APLP2: variants seen among roughly 807,000 people sequenced by gnomAD.
APLP2 encodes amyloid beta precursor like protein 2.
APLP2 carries 53 observed loss-of-function variants against 89.9 expected under a neutral mutation model. That is an observed-to-expected ratio of 0.59 (90% CI 0.47 to 0.74). The LOEUF is 0.74. Among genes scored for constraint, APLP2 ranks in the 30% least tolerant of loss-of-function variants. The pLI is 0.00. For missense variants in APLP2, 973 were observed against 975.9 expected, an observed-to-expected ratio of 1.00 and a Z score of 0.04; for synonymous variants, 372 against 348.6, an observed-to-expected ratio of 1.07 and a Z score of -0.75.
chr11:130,091,973 T>C (rs1591781331), intron 1 of APLP2, among the ~76,000 whole-genome samples: 2 of 125,572 alleles, frequency 1.6e-5, no homozygotes, highest in African/African-American at 7.0e-5. Context: ...GACGGGGCGG[T>C]TGCCAGGCAG....
intron 1 of APLP2, among the ~76,000 whole-genome samples, chr11:130,096,963 G>A (rs1946287838): frequency 6.6e-6 from 1 of 152,098 alleles, no homozygotes; most frequent in South Asian, 2.1e-4. Flanking sequence ...TTTTTAAATT[G>A]TTGATAATTA....
chr11:130,136,363 T>C (rs1188651099), intron 13 of APLP2, among the ~76,000 whole-genome samples: 3 of 152,232 alleles, frequency 2.0e-5, no homozygotes, highest in Admixed American at 6.5e-5. Context: ...GTCCTTGTTA[T>C]ATGCCAGCTT....
intron 1 of APLP2, among the ~76,000 whole-genome samples, chr11:130,104,969 A>C (rs546803113): frequency 9.2e-5 from 14 of 152,336 alleles, no homozygotes; most frequent in Middle Eastern, 3.4e-3. Flanking sequence ...GAAGCAAAAC[A>C]TATGTCAGAT....
chr11:130,133,346 C>A (rs1304041038), intron 11 of APLP2, among the ~76,000 whole-genome samples: 1 of 152,154 alleles, frequency 6.6e-6, no homozygotes, highest in Non-Finnish European at 1.5e-5. Context: ...TGGTCTCAAA[C>A]TCCTTCGCTC....
chr11:130,097,563 GGT>G (rs1359108705), intron 1 of APLP2, among the ~76,000 whole-genome samples: 15 of 152,162 alleles, frequency 9.9e-5, no homozygotes, highest in Non-Finnish European at 1.6e-4. Flanking sequence ...CGGGTGTAGT[GGT>G]GTGTGACTGT....
At chr11:130,140,551 G>T (rs1053862649) in intron 14 of APLP2, 68 bp downstream of exon 14, 4 of 1,325,888 alleles carry the variant, frequency 3.0e-6, no homozygotes, top group Non-Finnish European at 3.1e-6. Flanking sequence ...GTGACCTGAT[G>T]TCAGATGCTT....
rs553315269 is a variant in APLP2, at chr11:130,093,232, T to A, written c.106-16197T>A. 1.4e-4 allele frequency among the ~76,000 whole-genome samples: 21 copies of A among 152,348 alleles called. No homozygotes were observed. The East Asian group carries it at 3.9e-3, about 28-fold the overall frequency. On this transcript the variant is annotated intron_variant, in intron 1 of 16. Coordinates refer to ENST00000338167, the MANE Select transcript of APLP2 (RefSeq NM_001142276.2). The stretch of plus-strand genomic sequence containing the variant: ...AAACTTCCAGAAACTTCCAACCATC[T>A]TCTTAGTGTTCCCTTCTTAAATGTG...
At chr11:130,142,604 TTTTG>T (rs2136170713) in intron 16 of APLP2, among the ~76,000 whole-genome samples, 2 of 152,112 alleles carry the variant, frequency 1.3e-5, no homozygotes, top group South Asian at 4.1e-4. Context: ...ATTTGTGTTT[TTTTG>T]TTTGTTTTGG....
intron 1 of APLP2, among the ~76,000 whole-genome samples, chr11:130,106,337 A>C (rs1464542948): frequency 6.6e-6 from 1 of 151,904 alleles, no homozygotes; most frequent in Non-Finnish European, 1.5e-5. Context: ...CCACCACTCC[A>C]CCTTAGCCCA....
intron 1 of APLP2, 26 bp from the exon 2 acceptor site, chr11:130,109,403 A>G (rs1224207336): frequency 6.2e-7 from 1 of 1,600,044 alleles, no homozygotes; most frequent in East Asian, 2.2e-5. Context: ...CTTGGAGTAA[A>G]CCTGCAATTT....
At chr11:130,140,532 T>A (rs1446434619) in intron 14 of APLP2, 49 bp downstream of exon 14, 21 of 1,466,790 alleles carry the variant, frequency 1.4e-5, no homozygotes, top group Non-Finnish European at 1.9e-5. Context: ...TTGAGACTCA[T>A]TAGAGCGAGT....
At chr11:130,120,678 C>T (rs751441665) in intron 3 of APLP2, 28 bp from the exon 4 acceptor site, 1 of 1,540,296 alleles carries the variant, frequency 6.5e-7, no homozygotes, top group South Asian at 1.1e-5. Flanking sequence ...ATGGTCAGAT[C>T]CGCTCTGACA....
intron 13 of APLP2, among the ~76,000 whole-genome samples, chr11:130,137,545 G>A (rs1951781668): frequency 6.6e-6 from 1 of 152,236 alleles, no homozygotes; most frequent in African/African-American, 2.4e-5. Context: ...TGGGATGTCA[G>A]AGAATGCACA....
At chr11:130,132,225 T>G (rs1211534103) in intron 11 of APLP2, among the ~76,000 whole-genome samples, 1 of 152,166 alleles carries the variant, frequency 6.6e-6, no homozygotes, top group Non-Finnish European at 1.5e-5. Flanking sequence ...TCATTTGCAT[T>G]TTTTCTTCAA....
At chr11:130,079,074 A>G (rs900067858) in intron 1 of APLP2, among the ~76,000 whole-genome samples, 11 of 145,346 alleles carry the variant, frequency 7.6e-5, no homozygotes, top group Non-Finnish European at 1.6e-4. Context: ...GGAACATGAC[A>G]TGTATTTTTT....
intron 3 of APLP2, among the ~76,000 whole-genome samples, chr11:130,118,193 T>C (rs2135909318): frequency 6.6e-6 from 1 of 152,346 alleles, no homozygotes; most frequent in Admixed American, 6.5e-5. Context: ...GTTTTACAAA[T>C]TAAAGTGCAT....
At chr11:130,108,782 A>T (rs1948145427) in intron 1 of APLP2, 1 of 152,260 alleles carries the variant, frequency 6.6e-6, no homozygotes, top group Non-Finnish European at 1.5e-5. Flanking sequence ...CACTATTCAC[A>T]ATAGCAAAGA....
Position 130,123,705 on chromosome 11 carries a change from T to C in APLP2, c.1016T>C (p.Ile339Thr). Residue 339 changes from isoleucine to threonine, a missense_variant, in exon 7 of 17, where the codon ATA becomes ACA. Coordinates refer to ENST00000338167, the MANE Select transcript of APLP2 (RefSeq NM_001142276.2). The surrounding 1 kb of genome is among the most constrained non-coding windows in gnomAD (Gnocchi z 4.0). ...TCCAAGGGAAAGTGCGTGCGCTTTA[T>C]ATATGGTGGCTGCGGCGGCAACAGG... is the stretch of plus-strand genomic sequence containing the variant. ...DLSKGKCVRF[I>T]YGGCGGNRNN... 1 of 1,614,282 alleles carries C rather than the reference T, an allele frequency of 6.2e-7. No individual in the cohort carries two copies. Among genetic ancestry groups the C allele is most frequent in the South Asian group, 1.1e-5 (1 of 91,090 alleles).
In APLP2 at chr11:130,129,127, G is replaced by A. The variant is rs756071591; in HGVS notation, c.1376G>A (p.Arg459Gln). ...CAGCTGGTGGAGACCCACCTGGCCC[G>A]AGTGGAAGCTATGCTGAATGACCGC... The part of the protein sequence containing the change: ...KQQLVETHLA[R>Q]VEAMLNDRRR... Residue 459 changes from arginine (R) to glutamine (Q), a missense_variant, in exon 10 of 17, where the codon CGA (arginine) becomes CAA (glutamine). Transcript: ENST00000338167. The A allele has an allele frequency of 3.1e-6, 5 of 1,614,116 alleles. No homozygotes were observed. Among genetic ancestry groups the A allele is most frequent in the South Asian group, 2.2e-5 (2 of 91,094 alleles).
Sources: allele counts gnomAD v4.1 joint callset (sites outside exome capture counted in the v4.1 genomes callset), GRCh38; gene constraint gnomAD v4.1.1; non-coding constraint Gnocchi (gnomAD v3.1); transcripts MANE v1.5; gene names NCBI Gene and HGNC (gene_info 2026-07-23, HGNC 2026-07-21).